The following PRKCH variants were observed in gnomAD, a reference collection of about 807,000 sequenced individuals.
PRKCH encodes protein kinase C eta.
A neutral mutation model predicts 82.5 loss-of-function variants in PRKCH; 28 were observed. The ratio of observed to expected loss-of-function variants is 0.34; its 90% CI spans 0.25 to 0.47. PRKCH has a LOEUF of 0.47. PRKCH is among the 20% of genes least tolerant of loss of function. The pLI is 1.00. For missense variants in PRKCH, 705 were observed against 881.8 expected (o/e 0.80, Z 2.54); for synonymous variants, 322 against 327.4 (o/e 0.98, Z 0.18).
intron 2 of PRKCH, among the ~76,000 whole-genome samples, chr14:61,434,213 A>G (rs1356459272): frequency 6.6e-6 from 1 of 152,208 alleles, no homozygotes. Context: ...ATATAAAACC[A>G]GGATACATTA....
chr14:61,514,685 C>CT (rs1594777631), intron 10 of PRKCH, among the ~76,000 whole-genome samples: 1 of 152,238 alleles, frequency 6.6e-6, no homozygotes, highest in East Asian at 1.9e-4. Flanking sequence ...GAGGGAGTTG[C>CT]TGTTCAGATT....
intron 1 of PRKCH, among the ~76,000 whole-genome samples, chr14:61,198,900 G>A (rs956317046): frequency 5.9e-5 from 9 of 152,152 alleles, no homozygotes; most frequent in African/African-American, 1.9e-4. Flanking sequence ...CTCAGGCTGG[G>A]GAGGGTGTTT....
At chr14:61,421,910 G>A (rs1442741131) in intron 2 of PRKCH, among the ~76,000 whole-genome samples, 1 of 152,176 alleles carries the variant, frequency 6.6e-6, no homozygotes, top group Non-Finnish European at 1.5e-5. Flanking sequence ...TCATTTTAGT[G>A]TGAGGTGGAT....
At chr14:61,227,696 G>C (rs1009527614) in intron 1 of PRKCH, among the ~76,000 whole-genome samples, 1 of 152,064 alleles carries the variant, frequency 6.6e-6, no homozygotes, top group Non-Finnish European at 1.5e-5. Context: ...TATTAGGTTG[G>C]TGCAAAAGTA....
At chr14:61,324,565 A>C (rs917018871) in intron 1 of PRKCH, among the ~76,000 whole-genome samples, 1 of 152,182 alleles carries the variant, frequency 6.6e-6, no homozygotes, top group African/African-American at 2.4e-5. Flanking sequence ...TTGTTAAAAA[A>C]ATTTGGAAAT....
chr14:61,226,982 T>C (rs1419504463), intron 1 of PRKCH, among the ~76,000 whole-genome samples: 1 of 152,152 alleles, frequency 6.6e-6, no homozygotes, highest in African/African-American at 2.4e-5. Context: ...GTACAATACA[T>C]CTACTGAGAT....
In PRKCH at chr14:61,280,811, C is replaced by G. The variant is rs916988213; in HGVS notation, c.-19+93143C>G. On this transcript the variant is annotated intron_variant, in intron 1 of 3. Coordinates refer to the PRKCH transcript ENST00000555185. The surrounding 1 kb of genome is among the most constrained non-coding windows in gnomAD (Gnocchi z 5.0). Reference sequence around the variant, plus strand: ...TTGTTCTGGTAGAAGTTGGTCAGCTCGTAGTAGAGGTACACTGGGCCCTGG... The same window carrying G: ...TTGTTCTGGTAGAAGTTGGTCAGCTGGTAGTAGAGGTACACTGGGCCCTGG... 6.4e-7 allele frequency: 1 copy of G among 1,563,328 alleles called. No homozygotes were observed. Among genetic ancestry groups the G allele is most frequent in the African/African-American group, 1.4e-5 (1 of 74,000 alleles).
chr14:61,351,925 T>C (rs1012518306), intron 1 of PRKCH, among the ~76,000 whole-genome samples: 3 of 152,132 alleles, frequency 2.0e-5, no homozygotes, highest in African/African-American at 7.2e-5. Context: ...AACAGACTTT[T>C]ATATTAACAA....
At chr14:61,535,103 T>C (rs1313549120) in intron 12 of PRKCH, among the ~76,000 whole-genome samples, 1 of 152,158 alleles carries the variant, frequency 6.6e-6, no homozygotes, top group African/African-American at 2.4e-5. Context: ...CAAAGACATA[T>C]AGGTGGGGTG....
chr14:61,413,409 C>CT (rs1362569529), intron 2 of PRKCH, among the ~76,000 whole-genome samples: 1 of 68,572 alleles, frequency 1.5e-5, no homozygotes, highest in Non-Finnish European at 3.0e-5. Flanking sequence ...AAGCGCCCCC[C>CT]CCCCGCCCCG....
chr14:61,325,868 C>T (rs1311161232), intron 1 of PRKCH, among the ~76,000 whole-genome samples: 1 of 152,156 alleles, frequency 6.6e-6, no homozygotes, highest in Non-Finnish European at 1.5e-5. Context: ...TGCTCAAAAT[C>T]ATGAGTCATT....
chr14:61,470,919 T>G (rs1885473120), intron 9 of PRKCH, among the ~76,000 whole-genome samples: 2 of 152,032 alleles, frequency 1.3e-5, no homozygotes, highest in Non-Finnish European at 2.9e-5. Context: ...TCAGCTTCCT[T>G]GTTCTTCTGG....
At chr14:61,304,569 A>G (rs2045471930) in intron 1 of PRKCH, 1 of 152,108 alleles carries the variant, frequency 6.6e-6, no homozygotes, top group Non-Finnish European at 1.5e-5. Flanking sequence ...TCACACTTGT[A>G]ATCCCAGCAC....
intron 10 of PRKCH, among the ~76,000 whole-genome samples, chr14:61,520,378 T>C (rs2042889435): frequency 1.3e-5 from 2 of 152,186 alleles, no homozygotes; most frequent in South Asian, 4.1e-4. Context: ...ATCCTGTTCT[T>C]TCACTTAGAA....
chr14:61,538,053 T>C (rs2043135341), intron 12 of PRKCH: 1 of 152,160 alleles, frequency 6.6e-6, no homozygotes, highest in South Asian at 2.1e-4. Context: ...TGGGAGAGGC[T>C]GGAATGTTCA....
At chr14:61,233,330 G>T (rs923425970) in intron 1 of PRKCH, among the ~76,000 whole-genome samples, 1 of 151,848 alleles carries the variant, frequency 6.6e-6, no homozygotes, top group Admixed American at 6.6e-5. Flanking sequence ...GATTGAGGCT[G>T]CAGTGAGCCA....
intron 1 of PRKCH, among the ~76,000 whole-genome samples, chr14:61,264,784 A>G (rs945898579): frequency 6.6e-6 from 1 of 152,186 alleles, no homozygotes; most frequent in Non-Finnish European, 1.5e-5. Context: ...GATTTCAAAG[A>G]TCAGTGACCT....
chr14:61,188,612 GT>G (rs2140077636), intron 1 of PRKCH, among the ~76,000 whole-genome samples: 2 of 20,602 alleles, frequency 9.7e-5, no homozygotes, highest in South Asian at 2.1e-3. Context: ...GGGTGGTGTG[GT>G]GTGTGTGTGT....
At chr14:61,298,166 C>G (rs1012471810) in intron 1 of PRKCH, 1 of 152,432 alleles carries the variant, frequency 6.6e-6, no homozygotes, top group Non-Finnish European at 1.5e-5. Flanking sequence ...GGCCTTGTGT[C>G]CTCTCCTTCT....
Sources: gnomAD v4.1 joint callset for allele counts (sites outside exome capture counted in the v4.1 genomes callset) on GRCh38, gnomAD v4.1.1 for gene constraint, Gnocchi (gnomAD v3.1) non-coding constraint, MANE v1.5 for transcripts, NCBI Gene and HGNC (gene_info 2026-07-23, HGNC 2026-07-21) for gene names.